The following OC90 variants were observed in gnomAD, a reference collection of about 807,000 sequenced individuals.
OC90 encodes otoconin 90.
A neutral mutation model predicts 47.3 loss-of-function variants in OC90; 46 were observed. The ratio of observed to expected loss-of-function variants is 0.97; its 90% confidence interval spans 0.77 to 1.24. OC90 has a LOEUF of 1.24. OC90 is among the 50% of genes most tolerant of loss of function. The pLI is 0.00. For missense variants in OC90, 688 were observed against 583.9 expected (o/e 1.18, Z -1.84); for synonymous variants, 271 against 219.5 (o/e 1.23, Z -2.07).
chr8:132,030,443 G>A (rs974189389), intron 12 of OC90, among the ~76,000 whole-genome samples: 2 of 152,040 alleles, frequency 1.3e-5, no homozygotes, highest in Admixed American at 6.6e-5. Flanking sequence ...TTATATTTTT[G>A]TGAAATATGG....
At chr8:132,033,488 C>T (rs376954176) in intron 10 of OC90, among the ~76,000 whole-genome samples, 3 of 152,236 alleles carry the variant, frequency 2.0e-5, no homozygotes, top group Middle Eastern at 3.4e-3. Flanking sequence ...GGCATTATGG[C>T]GCTCACAGCA....
chr8:132,053,412 C>T lies in OC90; in HGVS notation c.46+1569G>A, dbSNP rs72715324. Among the ~76,000 whole-genome samples, 1,293 of 152,288 alleles carry T rather than the reference C, an allele frequency of 8.5e-3. 10 individuals carry two copies. Among genetic ancestry groups the T allele is most frequent in the Non-Finnish European group, 0.012 (834 of 68,024 alleles). ...GATAACTGTTTAATGAAGGACAGAA[C>T]ATCCAATAGTTGAACCACACCATCA... On this transcript the variant is annotated intron_variant, in intron 2 of 13. Coordinates refer to ENST00000254627, the MANE Select transcript of OC90 (RefSeq NM_001080399.3).
At chr8:132,059,203 C>G (rs1165980511) in intron 1 of OC90, 138 bp downstream of exon 1, 1 of 151,452 alleles carries the variant, frequency 6.6e-6, no homozygotes, top group Non-Finnish European at 1.5e-5. Context: ...TCCTCCATCC[C>G]TCCCTCTCCC....
intron 9 of OC90, among the ~76,000 whole-genome samples, chr8:132,036,823 T>C (rs532699336): frequency 4.6e-5 from 7 of 152,264 alleles, no homozygotes; most frequent in Admixed American, 2.0e-4. Flanking sequence ...GTAGCAATTA[T>C]TCCATAGGCG....
At chr8:132,049,628 A>G (rs1373231338) in intron 2 of OC90, among the ~76,000 whole-genome samples, 1 of 152,216 alleles carries the variant, frequency 6.6e-6, no homozygotes, top group African/African-American at 2.4e-5. Context: ...CTCTCAGAAC[A>G]TGGATAGTAT....
intron 2 of OC90, among the ~76,000 whole-genome samples, chr8:132,048,237 A>C (rs1823161554): frequency 6.6e-6 from 1 of 152,244 alleles, no homozygotes; most frequent in Non-Finnish European, 1.5e-5. Context: ...CAGAATTGAA[A>C]AGAAAAACTT....
chr8:132,044,314 G>A, intron 4 of OC90, 119 bp downstream of exon 4: 1 of 654,310 alleles, frequency 1.5e-6, no homozygotes, highest in Non-Finnish European at 2.8e-6. Context: ...TTGTTGGGAG[G>A]TAGCTGTGGA....
At chr8:132,040,982 G>T (rs1586711503) in intron 6 of OC90, 62 bp downstream of exon 6, 2 of 1,011,516 alleles carry the variant, frequency 2.0e-6, no homozygotes, top group Non-Finnish European at 1.6e-6. Context: ...CCTGGTCCAG[G>T]CTTGGGATCC....
intron 4 of OC90, among the ~76,000 whole-genome samples, 155 bp downstream of exon 4, chr8:132,044,278 C>T (rs911474580): frequency 1.3e-5 from 2 of 152,202 alleles, no homozygotes; most frequent in African/African-American, 4.8e-5. Flanking sequence ...AAAGACACCA[C>T]TACTCTCGTC....
intron 8 of OC90, 63 bp from the exon 9 acceptor site, chr8:132,037,551 G>C: frequency 6.9e-7 from 1 of 1,443,218 alleles, no homozygotes; most frequent in Non-Finnish European, 9.5e-7. Flanking sequence ...CCAAGCACAG[G>C]GTCTCAAAGG....
intron 11 of OC90, among the ~76,000 whole-genome samples, chr8:132,032,481 C>T (rs1822890807): frequency 6.6e-6 from 1 of 152,136 alleles, no homozygotes; most frequent in African/African-American, 2.4e-5. Context: ...CGTCTCCCCA[C>T]TCCCCTCTCT....
At chr8:132,052,990 C>T (rs1470256062) in intron 2 of OC90, among the ~76,000 whole-genome samples, 1 of 152,194 alleles carries the variant, frequency 6.6e-6, no homozygotes, top group Non-Finnish European at 1.5e-5. Context: ...CTTCATGCTC[C>T]GGAGATACTG....
At position 132,024,679 on chromosome 8, in the gene OC90, G is replaced by A. The variant is rs768554915; in HGVS notation, c.1236C>T (p.Ser412=). 3.7e-6 allele frequency: 6 copies of A among 1,613,590 alleles called. No homozygotes were observed. In the East Asian group the frequency reaches 1.1e-4, roughly 30 times the overall value. ...TSASFNQSLK[S]PSRLGCPGQP... ...GCCCAGGGCACCCGAGTCTGCTTGG[G>A]GACTTGAGGCTTTGGTTAAAGGAGG... is the stretch of plus-strand genomic sequence containing the variant. Residue 412 remains serine (S), a synonymous_variant, in exon 14 of 14, where the codon TCC becomes TCT. Coordinates refer to ENST00000254627, the MANE Select transcript of OC90 (RefSeq NM_001080399.3).
chr8:132,049,333 T>C (rs975109247), intron 2 of OC90, among the ~76,000 whole-genome samples: 1 of 146,930 alleles, frequency 6.8e-6, no homozygotes, highest in Admixed American at 6.6e-5. Context: ...ATCAAGGCTC[T>C]TGGGGAAGCA....
chr8:132,057,879 C>A (rs1823296234), intron 1 of OC90, among the ~76,000 whole-genome samples: 1 of 152,228 alleles, frequency 6.6e-6, no homozygotes, highest in South Asian at 2.1e-4. Flanking sequence ...GTGGCCCTTG[C>A]CCAGAAGGGG....
Position 132,024,339 on chromosome 8 carries a change from G to T in OC90, c.*142C>A. On this transcript the variant is annotated 3_prime_UTR_variant, in exon 14 of 14. Coordinates refer to ENST00000254627, the MANE Select transcript of OC90 (RefSeq NM_001080399.3). Reference sequence around the variant, plus strand: ...CCACAGCTGATGAGGCATGGGCAGGGCTCACGGCCTCTGTTCCCTCCCCGC... The same window carrying T: ...CCACAGCTGATGAGGCATGGGCAGGTCTCACGGCCTCTGTTCCCTCCCCGC... 1.5e-6 allele frequency: 1 copy of T among 661,052 alleles called. No individual in the cohort carries two copies. The highest frequency in any genetic ancestry group is 2.5e-6 in the Non-Finnish European group (1 of 401,792). 40.9% of individuals were successfully genotyped at this position (661,052 alleles called of 1,614,324 possible). A position where few individuals can be genotyped will look rare whatever the true frequency, so the allele number is the denominator to read the frequency against.
rs534068005 is a variant in OC90 at position 132,031,212 on chromosome 8, C to A, written c.1031+669G>T. On this transcript the variant is annotated intron_variant, in intron 12 of 13. Coordinates refer to ENST00000254627, the MANE Select transcript of OC90 (RefSeq NM_001080399.3). ...TCCATCTCTTTCATCAAATAAGCTTCCATTGGGCAAAAATAGTTTGTTTTA... is the reference window on the plus strand; with the variant it reads ...TCCATCTCTTTCATCAAATAAGCTTACATTGGGCAAAAATAGTTTGTTTTA... Among the ~76,000 whole-genome samples the A allele has an allele frequency of 6.6e-5, 10 of 152,244 alleles. No homozygotes were observed. The South Asian group carries it at 1.9e-3, about 28-fold the overall frequency.
chr8:132,055,956 C>T (rs1259535806), intron 1 of OC90, among the ~76,000 whole-genome samples: 2 of 152,126 alleles, frequency 1.3e-5, no homozygotes, highest in African/African-American at 4.8e-5. Context: ...AATATTTGCC[C>T]CCTTAGAATA....
intron 1 of OC90, among the ~76,000 whole-genome samples, chr8:132,058,542 G>T (rs903329083): frequency 2.6e-5 from 4 of 152,236 alleles, no homozygotes; most frequent in African/African-American, 9.6e-5. Context: ...GACCTGGGCT[G>T]GGGTCAGGGA....
Sources: gnomAD v4.1 joint callset for allele counts (sites outside exome capture counted in the v4.1 genomes callset) on GRCh38, gnomAD v4.1.1 for gene constraint, MANE v1.5 for transcripts, NCBI Gene and HGNC (gene_info 2026-07-23, HGNC 2026-07-21) for gene names.